Variants in SLC36A4 observed in about 807,000 individuals in gnomAD.
SLC36A4 encodes the protein neutral amino acid uniporter 4.
A neutral mutation model predicts 50.5 loss-of-function variants in SLC36A4; 49 were observed. That is an observed-to-expected ratio of 0.97 (90% CI 0.77 to 1.23). The LOEUF is 1.23. Ranked by LOEUF, SLC36A4 falls within the 50% of genes most tolerant of loss-of-function variation. The pLI is 0.00. For missense variants in SLC36A4, 611 were observed against 608.4 expected, an observed-to-expected ratio of 1.00 and a Z score of -0.05; for synonymous variants, 207 against 206.5, an observed-to-expected ratio of 1.00 and a Z score of -0.02.
intron 6 of SLC36A4, among the ~76,000 whole-genome samples, chr11:93,177,219 C>G (rs898299741): frequency 1.3e-5 from 2 of 152,156 alleles, no homozygotes; most frequent in Non-Finnish European, 2.9e-5. Flanking sequence ...CACTGATACC[C>G]TTTCTTCCAC....
intron 1 of SLC36A4, among the ~76,000 whole-genome samples, chr11:93,186,274 A>G (rs1302065287): frequency 6.6e-6 from 1 of 152,186 alleles, no homozygotes; most frequent in Non-Finnish European, 1.5e-5. Context: ...TTACCACTTT[A>G]TCAGTGTGTA....
At position 93,174,967 on chromosome 11, in the gene SLC36A4, G is replaced by C. The variant is rs1861384611; in HGVS notation, c.540+5830C>G. Among the ~76,000 whole-genome samples, 3 of 151,242 alleles carry C rather than the reference G, an allele frequency of 2.0e-5. No homozygotes were observed. In the South Asian group the frequency reaches 6.4e-4, roughly 32 times the overall value. On this transcript the variant is annotated intron_variant, in intron 6 of 10. Coordinates refer to ENST00000326402, the MANE Select transcript of SLC36A4 (RefSeq NM_152313.4). Reference sequence around the variant, plus strand: ...CGGAATGATGCTGGCCTCATAAAATGAGTTAGGGAGGATTCCCTCTTTTTC... The same window carrying C: ...CGGAATGATGCTGGCCTCATAAAATCAGTTAGGGAGGATTCCCTCTTTTTC...
intron 4 of SLC36A4, 105 bp downstream of exon 4, chr11:93,182,701 G>A (rs1171766140): frequency 1.9e-5 from 13 of 684,208 alleles, no homozygotes; most frequent in East Asian, 1.7e-4. Context: ...ATTTATCTAC[G>A]TAAAAGCTTA....
At chr11:93,154,780 A>G (rs1860271972) in intron 9 of SLC36A4, 1 of 152,138 alleles carries the variant, frequency 6.6e-6, no homozygotes, top group Admixed American at 6.6e-5. Flanking sequence ...GCAGACATCT[A>G]AACGGTTTCA....
At chr11:93,159,802 A>G (rs557981218) in intron 9 of SLC36A4, 6 of 984,916 alleles carry the variant, frequency 6.1e-6, no homozygotes, top group Non-Finnish European at 6.0e-6. Context: ...TCTAATCCAT[A>G]CTTGCTTTAT....
chr11:93,180,782 G>T lies in SLC36A4; in HGVS notation c.540+15C>A. The T allele has an allele frequency of 6.3e-7, 1 of 1,577,614 alleles. No homozygotes were observed. Among genetic ancestry groups the T allele is most frequent in the Non-Finnish European group, 8.7e-7 (1 of 1,148,270 alleles). ...TAGAAGAAAATGATTTCACTAACTG[G>T]AGAAAAATACTCACTTGTTTCACAT... is the stretch of plus-strand genomic sequence containing the variant. On this transcript the variant is annotated intron_variant, in intron 6 of 10. Coordinates refer to ENST00000326402, the MANE Select transcript of SLC36A4 (RefSeq NM_152313.4).
Position 93,145,225 on chromosome 11 carries a change from G to T in SLC36A4, c.*3312C>A, listed in dbSNP as rs1404107663. The stretch of plus-strand genomic sequence containing the variant: ...TACATAACTACTATGAAACTACTAA[G>T]ATTAGACACTGTTAGGAAATTCAAA... On this transcript the variant is annotated 3_prime_UTR_variant, in exon 11 of 11. Coordinates refer to ENST00000326402, the MANE Select transcript of SLC36A4 (RefSeq NM_152313.4). 1 of 152,012 alleles carries T rather than the reference G, an allele frequency of 6.6e-6. No homozygotes were observed. The highest frequency in any genetic ancestry group is 2.4e-5 in the African/African-American group (1 of 41,416). The allele number at this position is 152,012 out of a possible 1,614,324, so 9.4% of individuals were successfully genotyped here.
Position 93,184,433 on chromosome 11 carries a change from T to C in SLC36A4, c.267A>G (p.Ile89Met). 3 of 1,593,004 alleles carry C rather than the reference T, an allele frequency of 1.9e-6. No homozygotes were observed. Among genetic ancestry groups the C allele is most frequent in the Non-Finnish European group, 2.6e-6 (3 of 1,161,248 alleles). The change falls in exon 3 of 11, where the codon ATA becomes ATG. Residue 89 changes from isoleucine (I) to methionine (M), a missense_variant. Coordinates refer to ENST00000326402, the MANE Select transcript of SLC36A4 (RefSeq NM_152313.4). Reference sequence around the variant, plus strand: ...TGATTACAAAGATAAGTCTTACCACTATGCCTGCATTTTTTATTGCCAATG... The same window carrying C: ...TGATTACAAAGATAAGTCTTACCACCATGCCTGCATTTTTTATTGCCAATG... ...GLPLAIKNAG[I>M]VLGPISLVFI...
rs1859849743 is a variant in SLC36A4, at chr11:93,146,574, T to G, written c.*1963A>C. 1 of 152,010 alleles carries G rather than the reference T, an allele frequency of 6.6e-6. No individual in the cohort carries two copies. Among genetic ancestry groups the G allele is most frequent in the African/African-American group, 2.4e-5 (1 of 41,444 alleles). The allele number at this position is 152,010 out of a possible 1,614,324, so 9.4% of individuals were successfully genotyped here. On this transcript the variant is annotated 3_prime_UTR_variant, in exon 11 of 11. Coordinates refer to ENST00000326402, the MANE Select transcript of SLC36A4 (RefSeq NM_152313.4). ...GTACCAAAATAAAGCTTCTGATATA[T>G]CTTTAGGATTGTATTTGATGATCAG...
intron 9 of SLC36A4, among the ~76,000 whole-genome samples, chr11:93,155,967 A>G (rs940211029): frequency 2.6e-5 from 4 of 152,184 alleles, no homozygotes; most frequent in African/African-American, 9.7e-5. Flanking sequence ...TTCTTTATCC[A>G]ATCTATCACT....
At chr11:93,182,972 T>C in intron 3 of SLC36A4, 78 bp from the exon 4 acceptor site, 1 of 990,768 alleles carries the variant, frequency 1.0e-6, no homozygotes, top group Non-Finnish European at 1.5e-6. Context: ...ATCAATGGAT[T>C]ATTCACGTGC....
chr11:93,145,635 A>G lies in SLC36A4; in HGVS notation c.*2902T>C, dbSNP rs1800169455. The G allele has an allele frequency of 6.6e-6, 1 of 152,110 alleles. No homozygotes were observed. Among genetic ancestry groups the G allele is most frequent in the African/African-American group, 2.4e-5 (1 of 41,444 alleles). 9.4% of individuals were successfully genotyped at this position (152,110 alleles called of 1,614,324 possible). A position where few individuals can be genotyped will look rare whatever the true frequency, so the allele number is the denominator to read the frequency against. ...AAGCTTTCCTTTCTTTCCCCTCAGT[A>G]GCAGAAAAGTCTCTCAGGCAACTGA... On this transcript the variant is annotated 3_prime_UTR_variant, in exon 11 of 11. Transcript: ENST00000326402.
At chr11:93,184,545 T>A in intron 2 of SLC36A4, 25 bp from the exon 3 acceptor site, 1 of 1,339,664 alleles carries the variant, frequency 7.5e-7, no homozygotes, top group Non-Finnish European at 1.1e-6. Context: ...TTGTAAGACT[T>A]AAATATTTTA....
intron 1 of SLC36A4, among the ~76,000 whole-genome samples, chr11:93,188,015 T>C (rs992229207): frequency 6.6e-6 from 1 of 152,148 alleles, no homozygotes. Flanking sequence ...CTGAAGGAGA[T>C]TTTCATGGTG....
At chr11:93,171,644 TGAG>T (rs1335653409) in intron 6 of SLC36A4, 2 of 152,078 alleles carry the variant, frequency 1.3e-5, no homozygotes, top group Non-Finnish European at 2.9e-5. Context: ...TGTAACTCCT[TGAG>T]AAGATAGGTA....
chr11:93,150,554 T>C (rs1860037541), intron 10 of SLC36A4, among the ~76,000 whole-genome samples: 1 of 152,018 alleles, frequency 6.6e-6, no homozygotes, highest in Non-Finnish European at 1.5e-5. Flanking sequence ...TAAACGTAGC[T>C]TTACATCTAT....
intron 1 of SLC36A4, among the ~76,000 whole-genome samples, chr11:93,190,151 T>A (rs1273285556): frequency 1.3e-5 from 2 of 152,154 alleles, no homozygotes; most frequent in Non-Finnish European, 2.9e-5. Context: ...CTAGAAAACA[T>A]TAAACATGAC....
At chr11:93,197,016 TAAC>T (rs1862457976) in intron 1 of SLC36A4, among the ~76,000 whole-genome samples, 1 of 152,244 alleles carries the variant, frequency 6.6e-6, no homozygotes, top group Non-Finnish European at 1.5e-5. Flanking sequence ...ATTAGAGGAA[TAAC>T]AACAACCTAT....
intron 1 of SLC36A4, among the ~76,000 whole-genome samples, chr11:93,193,833 T>G (rs933402189): frequency 3.3e-5 from 5 of 152,190 alleles, no homozygotes; most frequent in African/African-American, 1.2e-4. Context: ...TTCTTTCACC[T>G]AGTAATTCTA....
Sources: allele counts gnomAD v4.1 joint callset (sites outside exome capture counted in the v4.1 genomes callset), GRCh38; gene constraint gnomAD v4.1.1; transcripts MANE v1.5; gene names NCBI Gene and HGNC (gene_info 2026-07-23, HGNC 2026-07-21).